PDZD2: variants seen among roughly 807,000 people sequenced by gnomAD.
PDZD2 encodes PDZ domain containing 2.
PDZD2 carries 90 observed loss-of-function variants against 220.7 expected under a neutral mutation model. The observed-to-expected ratio is 0.41, with a 90% CI of 0.34 to 0.49. PDZD2 has a LOEUF of 0.49. PDZD2 is among the 20% of genes least tolerant of loss of function. The pLI is 0.28. For synonymous variants in PDZD2, 1,375 were observed against 1,450.5 expected (o/e 0.95, Z 1.18); for missense variants, 3,174 against 3,608.5 (o/e 0.88, Z 3.08).
In PDZD2 at chr5:32,078,808, GAA is replaced by G. The variant is rs35649688; in HGVS notation, c.3682+1213_3682+1214del. On this transcript the variant is annotated intron_variant, in intron 19 of 24. Transcript: ENST00000438447. ...TGACAGAACTAGACCCAATCTCTGG[GAA>G]AAAAAAAAAAGTGTGGGGTGTGTAT... Among the ~76,000 whole-genome samples the G allele has an allele frequency of 1.7e-4, 24 of 144,572 alleles. No homozygotes were observed. In the South Asian group the frequency reaches 2.6e-3, roughly 16 times the overall value. 94.8% of individuals were successfully genotyped at this position (144,572 alleles called of 152,430 possible).
Position 32,086,020 on chromosome 5 carries a change from C to T in PDZD2, c.3683-1111C>T, listed in dbSNP as rs541603614. On this transcript the variant is annotated intron_variant, in intron 19 of 24. Transcript: ENST00000438447. Reference sequence around the variant, plus strand: ...CTGGCCAAACTCCCCTTGTCAGCCCCATTCATGTCCCCACCTCCTCTGTCA... The same window carrying T: ...CTGGCCAAACTCCCCTTGTCAGCCCTATTCATGTCCCCACCTCCTCTGTCA... 4.6e-5 allele frequency among the ~76,000 whole-genome samples: 7 copies of T among 152,226 alleles called. No individual in the cohort carries two copies. The South Asian group carries it at 1.5e-3, about 32-fold the overall frequency.
At chr5:31,645,529 G>T (rs1745103323) in intron 1 of PDZD2, among the ~76,000 whole-genome samples, 1 of 152,040 alleles carries the variant, frequency 6.6e-6, no homozygotes, top group Non-Finnish European at 1.5e-5. Context: ...TAGAGACGTG[G>T]TTTCACCATG....
chr5:31,817,381 C>G (rs1755533955), intron 2 of PDZD2, among the ~76,000 whole-genome samples: 1 of 151,372 alleles, frequency 6.6e-6, no homozygotes, highest in Non-Finnish European at 1.5e-5. Context: ...GTAATCCCAG[C>G]TACTTGGGAG....
At chr5:31,703,947 TTCTCTCTCTTTCTCTCTCTC>T (rs1043373661) in intron 1 of PDZD2, among the ~76,000 whole-genome samples, 72 of 124,746 alleles carry the variant, frequency 5.8e-4, no homozygotes, top group Middle Eastern at 3.6e-3. Context: ...CTCTCTCTCT[TTCTCTCTCTTTCTCTCTCTC>T]TCTCTCTCTT....
intron 2 of PDZD2, chr5:31,936,488 G>A (rs911985238): frequency 3.6e-6 from 1 of 275,820 alleles, no homozygotes; most frequent in Non-Finnish European, 5.5e-6. Flanking sequence ...CTTGAATTGT[G>A]CTGATATCTG....
At chr5:31,935,053 A>G (rs985948454) in intron 2 of PDZD2, among the ~76,000 whole-genome samples, 16 of 149,812 alleles carry the variant, frequency 1.1e-4, no homozygotes, top group Non-Finnish European at 1.8e-4. Context: ...ACTCCACTGC[A>G]CTCCCACCTG....
At chr5:32,086,984 C>A in intron 19 of PDZD2, 147 bp from the exon 20 acceptor site, 1 of 582,750 alleles carries the variant, frequency 1.7e-6, no homozygotes, top group East Asian at 2.9e-5. Flanking sequence ...CCACCACGCC[C>A]AGCTTTCTGA....
intron 14 of PDZD2, among the ~76,000 whole-genome samples, chr5:32,061,386 C>A (rs16889386): frequency 1.3e-5 from 2 of 152,300 alleles, no homozygotes; most frequent in Non-Finnish European, 2.9e-5. Flanking sequence ...GTTCTGAGTA[C>A]TGGCTTTTTG....
intron 2 of PDZD2, among the ~76,000 whole-genome samples, chr5:31,872,178 C>T (rs900692822): frequency 3.1e-4 from 23 of 75,196 alleles, no homozygotes; most frequent in Non-Finnish European, 5.0e-4. Context: ...TGTAACCAGC[C>T]CACCTGAGGC....
chr5:31,859,306 A>G (rs540696434), intron 2 of PDZD2, among the ~76,000 whole-genome samples: 1 of 152,306 alleles, frequency 6.6e-6, no homozygotes, highest in South Asian at 2.1e-4. Flanking sequence ...GTCTTGATAA[A>G]TTGGCTCTAT....
intron 2 of PDZD2, among the ~76,000 whole-genome samples, chr5:31,887,283 G>A (rs1418121759): frequency 6.6e-6 from 1 of 152,166 alleles, no homozygotes; most frequent in Non-Finnish European, 1.5e-5. Context: ...GATATGTAGT[G>A]TGAATGGAGA....
At chr5:32,037,171 A>G in intron 6 of PDZD2, 60 bp from the exon 7 acceptor site, 1 of 1,016,500 alleles carries the variant, frequency 9.8e-7, no homozygotes. Context: ...GTGGAGGGGG[A>G]CAGCATAAGT....
intron 2 of PDZD2, among the ~76,000 whole-genome samples, chr5:31,955,683 C>CTTTTTTTTT (rs34964306): frequency 6.0e-5 from 7 of 116,876 alleles, no homozygotes; most frequent in Admixed American, 8.9e-5. Flanking sequence ...GGGCTCTGTT[C>CTTTTTTTTT]TTTTTTTTTT....
chr5:31,961,836 G>A (rs1307201314), intron 2 of PDZD2, among the ~76,000 whole-genome samples: 1 of 152,104 alleles, frequency 6.6e-6, no homozygotes, highest in African/African-American at 2.4e-5. Flanking sequence ...TAGAGACAAA[G>A]TTTCACTATG....
rs1159758867 is a variant in PDZD2, at chr5:31,799,708, G to C, written c.460G>C (p.Asp154His). Residue 154 changes from aspartate (D) to histidine (H), a missense_variant, in exon 2 of 25, where the codon GAT becomes CAT. This residue lies in a region of PDZD2 where 632 missense variants were observed against 708.1 expected (regional missense o/e 0.89). Coordinates refer to ENST00000438447, the MANE Select transcript of PDZD2 (RefSeq NM_178140.4). ...GAATGGGCAGCTGATGGTTGGAGTT[G>C]ATGTCAGTGGGGCCAGGTAAGTAGG... ...SLNGQLMVGVDVSGASYLAEQ... is the reference protein window; with the variant it reads ...SLNGQLMVGVHVSGASYLAEQ... 1.2e-6 allele frequency: 2 copies of C among 1,612,642 alleles called. No individual in the cohort carries two copies. Among genetic ancestry groups the C allele is most frequent in the Non-Finnish European group, 1.7e-6 (2 of 1,178,824 alleles).
In PDZD2 at chr5:31,726,126, T is replaced by TTA. The variant is rs371893582; in HGVS notation, c.-360-72761_-360-72760dup. The stretch of plus-strand genomic sequence containing the variant: ...CACTCCGTCCTGAGCCTGCCTTTCC[T>TTA]TATCTGTAGATTGTGAGGAGAAGTG... On this transcript the variant is annotated intron_variant, in intron 1 of 24. Coordinates refer to ENST00000438447, the MANE Select transcript of PDZD2 (RefSeq NM_178140.4). Among the ~76,000 whole-genome samples the TTA allele has an allele frequency of 2.6e-3, 390 of 152,342 alleles. 2 individuals are homozygous for TTA. Among genetic ancestry groups the TTA allele is most frequent in the African/African-American group, 8.8e-3 (365 of 41,596 alleles).
chr5:31,892,755 C>CA (rs796941628), intron 2 of PDZD2, among the ~76,000 whole-genome samples: 1 of 17,968 alleles, frequency 5.6e-5, no homozygotes. Context: ...TGTGGGTGGG[C>CA]GGGGGGGGTC....
chr5:31,989,921 C>T (rs191432404), intron 3 of PDZD2, among the ~76,000 whole-genome samples: 3 of 152,282 alleles, frequency 2.0e-5, no homozygotes, highest in African/African-American at 7.2e-5. Context: ...GAAGTTCCTG[C>T]CTCAGTTCTG....
rs111351174 is a variant in PDZD2 at position 31,921,804 on chromosome 5, A to G, written c.477-61351A>G. Among the ~76,000 whole-genome samples, 702 of 152,312 alleles carry G rather than the reference A, an allele frequency of 4.6e-3. 4 individuals carry two copies. The highest frequency in any genetic ancestry group is 0.016 in the African/African-American group (675 of 41,552). On this transcript the variant is annotated intron_variant, in intron 2 of 24. Transcript: ENST00000438447. Reference sequence around the variant, plus strand: ...TTGCAAACTTTTTTTCATAGGTCATAGAAAATTTAAGCTTTAGTTGGTCAG... The same window carrying G: ...TTGCAAACTTTTTTTCATAGGTCATGGAAAATTTAAGCTTTAGTTGGTCAG...
Sources: gnomAD v4.1 joint callset for allele counts (sites outside exome capture counted in the v4.1 genomes callset) on GRCh38, gnomAD v4.1.1 for gene constraint, gnomAD v4.1.1 regional missense constraint, MANE v1.5 for transcripts, NCBI Gene and HGNC (gene_info 2026-07-23, HGNC 2026-07-21) for gene names.